Variants in LSAMP observed in about 807,000 individuals in gnomAD.
The protein encoded by LSAMP is limbic system-associated membrane protein.
Under a neutral mutation model 38.6 loss-of-function variants are expected in LSAMP, and 7 were observed. The ratio of observed to expected loss-of-function variants is 0.18; its 90% CI spans 0.10 to 0.34. The LOEUF (loss-of-function observed/expected upper bound fraction) is 0.34. LSAMP is among the 10% of genes least tolerant of loss of function. LSAMP has a pLI of 1.00. For missense variants in LSAMP, 313 were observed against 420.0 expected (o/e 0.75, Z 2.23); for synonymous variants, 154 against 166.8 (o/e 0.92, Z 0.59).
chr3:116,349,471 C>T (rs1374277717), intron 1 of LSAMP, among the ~76,000 whole-genome samples: 1 of 150,186 alleles, frequency 6.7e-6, no homozygotes. Context: ...ATAATGACCC[C>T]CCCCAAAAAA....
chr3:116,131,147 C>T (rs933332944), intron 1 of LSAMP, among the ~76,000 whole-genome samples: 6 of 152,112 alleles, frequency 3.9e-5, no homozygotes, highest in Non-Finnish European at 5.9e-5. Context: ...CCCTCCACCT[C>T]GCCTGGCTAA....
chr3:116,190,597 A>C (rs1438537413), intron 1 of LSAMP, among the ~76,000 whole-genome samples: 2 of 152,222 alleles, frequency 1.3e-5, no homozygotes, highest in Non-Finnish European at 2.9e-5. Flanking sequence ...AACCAGTGGG[A>C]TACAGTAAAA....
At chr3:115,949,879 A>T (rs528484642) in intron 3 of LSAMP, among the ~76,000 whole-genome samples, 2 of 152,318 alleles carry the variant, frequency 1.3e-5, no homozygotes, top group Non-Finnish European at 2.9e-5. Context: ...TATCAAAAAG[A>T]TAATACACCA....
At chr3:115,844,630 G>A (rs904032225) in intron 4 of LSAMP, among the ~76,000 whole-genome samples, 1 of 152,106 alleles carries the variant, frequency 6.6e-6, no homozygotes, top group African/African-American at 2.4e-5. Flanking sequence ...GTCCTTCCTC[G>A]TTTGAGAGTT....
intron 1 of LSAMP, among the ~76,000 whole-genome samples, chr3:116,398,440 C>T (rs933746177): frequency 1.3e-5 from 2 of 151,774 alleles, no homozygotes; most frequent in Non-Finnish European, 2.9e-5. Flanking sequence ...TTCAAATACT[C>T]ATGAATCAAC....
chr3:116,075,377 C>A (rs1173994899), intron 2 of LSAMP, among the ~76,000 whole-genome samples: 5 of 151,490 alleles, frequency 3.3e-5, no homozygotes, highest in East Asian at 2.0e-4. Context: ...ACCTCGTGAT[C>A]CGCCCGCCTC....
At chr3:116,049,731 GC>G (rs1477994829) in intron 2 of LSAMP, among the ~76,000 whole-genome samples, 1 of 152,096 alleles carries the variant, frequency 6.6e-6, no homozygotes, top group East Asian at 1.9e-4. Context: ...TGAATTATAA[GC>G]CCTCAGAAAT....
chr3:115,813,731 A>G (rs1346370888), intron 6 of LSAMP, among the ~76,000 whole-genome samples: 2 of 152,222 alleles, frequency 1.3e-5, no homozygotes, highest in Non-Finnish European at 2.9e-5. Context: ...GTGACTGCAT[A>G]GGAGACTACT....
chr3:116,142,786 G>A (rs1229952595), intron 1 of LSAMP, among the ~76,000 whole-genome samples: 3 of 151,794 alleles, frequency 2.0e-5, no homozygotes, highest in African/African-American at 7.3e-5. Context: ...GGTTTCATCT[G>A]AATAACAACA....
intron 1 of LSAMP, among the ~76,000 whole-genome samples, chr3:116,087,612 GAA>G (rs1465593854): frequency 2.0e-5 from 3 of 152,196 alleles, no homozygotes; most frequent in Admixed American, 6.5e-5. Flanking sequence ...GGAATGAACA[GAA>G]AGAGCCACGA....
intron 3 of LSAMP, among the ~76,000 whole-genome samples, chr3:115,872,998 TC>T (rs376986301): frequency 5.3e-5 from 8 of 152,260 alleles, no homozygotes; most frequent in African/African-American, 1.9e-4. Flanking sequence ...ATGTAAACAT[TC>T]CCATTCATAA....
At position 116,041,994 on chromosome 3, in the gene LSAMP, C is replaced by T. The variant is rs76105788; in HGVS notation, c.389-22354G>A. On this transcript the variant is annotated intron_variant, in intron 2 of 6. Transcript: ENST00000490035. ...ACTTATTTTTCCTTGACATATATCTCGACACACTGCTATAATAGAACCAAC... is the reference window on the plus strand; with the variant it reads ...ACTTATTTTTCCTTGACATATATCTTGACACACTGCTATAATAGAACCAAC... Among the ~76,000 whole-genome samples, 679 of 152,024 alleles carry T rather than the reference C, an allele frequency of 4.5e-3. 17 individuals are homozygous for T. The highest frequency in any genetic ancestry group is 0.042 in the East Asian group (214 of 5,156).
At chr3:116,411,405 A>AGAAAATGT (rs2048975253) in intron 1 of LSAMP, among the ~76,000 whole-genome samples, 1 of 151,980 alleles carries the variant, frequency 6.6e-6, no homozygotes, top group African/African-American at 2.4e-5. Flanking sequence ...GACTGGATTA[A>AGAAAATGT]GAAAATGTGG....
intron 1 of LSAMP, among the ~76,000 whole-genome samples, chr3:116,260,406 AAAT>A (rs1342035577): frequency 2.0e-5 from 3 of 151,942 alleles, no homozygotes; most frequent in Non-Finnish European, 4.4e-5. Context: ...AATAATATAT[AAAT>A]AATAATGAAC....
At chr3:116,379,651 A>C (rs1384470816) in intron 1 of LSAMP, among the ~76,000 whole-genome samples, 1 of 152,038 alleles carries the variant, frequency 6.6e-6, no homozygotes, top group Admixed American at 6.6e-5. Flanking sequence ...AGTATTTAAG[A>C]ATCCTTTATA....
At chr3:116,165,436 T>C (rs375258987) in intron 1 of LSAMP, among the ~76,000 whole-genome samples, 3 of 152,120 alleles carry the variant, frequency 2.0e-5, no homozygotes, top group African/African-American at 7.2e-5. Flanking sequence ...CCCCACCTAG[T>C]GGAGCAATTG....
At chr3:116,391,472 G>A (rs922202510) in intron 1 of LSAMP, among the ~76,000 whole-genome samples, 29 of 152,282 alleles carry the variant, frequency 1.9e-4, no homozygotes, top group African/African-American at 6.5e-4. Context: ...ACAGTCTTTG[G>A]AGCCTGCCCC....
At chr3:116,306,948 A>G (rs574636789) in intron 1 of LSAMP, among the ~76,000 whole-genome samples, 2 of 152,116 alleles carry the variant, frequency 1.3e-5, no homozygotes, top group South Asian at 2.1e-4. Flanking sequence ...CCTTTGAACT[A>G]CAACTCATTG....
At chr3:116,333,137 G>C (rs2047872396) in intron 1 of LSAMP, among the ~76,000 whole-genome samples, 1 of 152,016 alleles carries the variant, frequency 6.6e-6, no homozygotes, top group Non-Finnish European at 1.5e-5. Flanking sequence ...AGATCTACCA[G>C]ACATATTCAG....
Sources: gnomAD v4.1 joint callset for allele counts (sites outside exome capture counted in the v4.1 genomes callset) on GRCh38, gnomAD v4.1.1 for gene constraint, MANE v1.5 for transcripts, NCBI Gene and HGNC (gene_info 2026-07-23, HGNC 2026-07-21) for gene names.